Variants in BEAN1 observed in about 807,000 individuals in gnomAD.
BEAN1 encodes the protein protein BEAN1.
In BEAN1, 17 loss-of-function variants were observed where a neutral mutation model predicts 17.7. That is an observed-to-expected ratio of 0.96 (90% CI 0.66 to 1.44). BEAN1 has a LOEUF of 1.44. Ranked by LOEUF, BEAN1 falls within the 40% of genes most tolerant of loss-of-function variation. The pLI is 0.00. For synonymous variants in BEAN1, 142 were observed against 151.8 expected (o/e 0.94, Z 0.47); for missense variants, 359 against 374.1 (o/e 0.96, Z 0.33).
chr16:66,469,851 ACGAGCACGGCTACGGTGAGCCG>A lies in BEAN1; in HGVS notation c.277_289+9del. The A allele has an allele frequency of 6.5e-7, 1 of 1,534,680 alleles. No individual in the cohort carries two copies. The highest frequency in any genetic ancestry group is 8.7e-7 in the Non-Finnish European group (1 of 1,146,622). ...CACCGCCGGCGTCGACACCGAGAGT[ACGAGCACGGCTACGGTGAGCCG>A]CCGCCCACCCTGGGGCCCTGGGACC... On this transcript the variant is annotated splice_donor_variant and splice_donor_5th_base_variant and coding_sequence_variant and intron_variant, in exon 3 of 5. Coordinates refer to ENST00000536005, the MANE Select transcript of BEAN1 (RefSeq NM_001178020.3). LOFTEE classifies it high-confidence loss of function.
At chr16:66,486,227 T>C (rs1055753188), downstream of BEAN1, among the ~76,000 whole-genome samples, 3 of 152,024 alleles carry the variant, frequency 2.0e-5, no homozygotes, top group African/African-American at 7.2e-5. Context: ...TGTTTGTTTG[T>C]TTGTTTGTTG....
At chr16:66,492,542 C>T (rs1158839423) in intron 4 of BEAN1, among the ~76,000 whole-genome samples, 2 of 152,110 alleles carry the variant, frequency 1.3e-5, no homozygotes, top group Non-Finnish European at 2.9e-5. Context: ...TGGGTTCGAG[C>T]AATTCTCCTG....
At chr16:66,466,730 T>C (rs1375379745) in intron 2 of BEAN1, among the ~76,000 whole-genome samples, 2 of 152,042 alleles carry the variant, frequency 1.3e-5, no homozygotes, top group Non-Finnish European at 2.9e-5. Flanking sequence ...CACGCCCGGG[T>C]AAATTTTTTT....
At chr16:66,472,129 C>T (rs139002013) in intron 3 of BEAN1, among the ~76,000 whole-genome samples, 180 of 152,372 alleles carry the variant, frequency 1.2e-3, no homozygotes, top group African/African-American at 4.0e-3. Flanking sequence ...GCCTTCCAGG[C>T]CCCGCTCAAA....
intron 2 of BEAN1, among the ~76,000 whole-genome samples, chr16:66,460,535 C>T (rs949109803): frequency 6.6e-6 from 1 of 152,204 alleles, no homozygotes; most frequent in South Asian, 2.1e-4. Context: ...TCCCCAGGCA[C>T]CTGCCTGCTG....
intron 2 of BEAN1, among the ~76,000 whole-genome samples, chr16:66,450,546 T>C (rs955550382): frequency 6.6e-5 from 10 of 152,054 alleles, no homozygotes; most frequent in Non-Finnish European, 1.2e-4. Context: ...CAAGACCCTG[T>C]GTATACAAAC....
intron 2 of BEAN1, 61 bp downstream of exon 2, chr16:66,437,762 C>A: frequency 6.7e-7 from 1 of 1,494,146 alleles, no homozygotes; most frequent in Non-Finnish European, 9.0e-7. Flanking sequence ...AGCTTGGAGT[C>A]GAGCTGCAGA....
At chr16:66,474,696 AAG>A (rs991713469) in intron 3 of BEAN1, among the ~76,000 whole-genome samples, 14 of 150,744 alleles carry the variant, frequency 9.3e-5, no homozygotes, top group East Asian at 7.8e-4. Flanking sequence ...GAGAAGAAAG[AAG>A]AGAGAGAAAA....
intron 3 of BEAN1, among the ~76,000 whole-genome samples, chr16:66,474,622 G>GAGGGAGGGAGGA (rs1567505313): frequency 2.8e-5 from 1 of 35,406 alleles, no homozygotes; most frequent in Non-Finnish European, 6.6e-5. Flanking sequence ...GGGAGGAAGG[G>GAGGGAGGGAGGA]AGGGAGGGAG....
chr16:66,464,687 T>C (rs1963202894), intron 2 of BEAN1, among the ~76,000 whole-genome samples: 2 of 152,348 alleles, frequency 1.3e-5, no homozygotes, highest in African/African-American at 2.4e-5. Context: ...ATTTCATTCT[T>C]AATTTCATTT....
intron 2 of BEAN1, among the ~76,000 whole-genome samples, chr16:66,442,270 C>T (rs1476964219): frequency 3.3e-5 from 5 of 152,176 alleles, no homozygotes; most frequent in African/African-American, 1.2e-4. Flanking sequence ...CCCAGGACTC[C>T]CCCAGGATGC....
downstream of BEAN1, among the ~76,000 whole-genome samples, chr16:66,487,381 C>A (rs1964103742): frequency 6.6e-6 from 1 of 152,162 alleles, no homozygotes; most frequent in African/African-American, 2.4e-5. Flanking sequence ...GACTAGGGGC[C>A]TGGAATTGTG....
intron 4 of BEAN1, among the ~76,000 whole-genome samples, chr16:66,490,274 G>A (rs1265473345): frequency 1.4e-5 from 2 of 143,306 alleles, no homozygotes; most frequent in East Asian, 4.2e-4. Context: ...GCACATGCAT[G>A]TAGTCCCAAC....
At position 66,477,701 on chromosome 16, in the gene BEAN1, CTCCACCAGGG is replaced by C; in HGVS notation, c.433_440+2del. 6.5e-7 allele frequency: 1 copy of C among 1,547,362 alleles called. No homozygotes were observed. On this transcript the variant is annotated splice_donor_variant and coding_sequence_variant, in exon 4 of 5. Coordinates refer to ENST00000536005, the MANE Select transcript of BEAN1 (RefSeq NM_001178020.3). LOFTEE classifies it high-confidence loss of function. ...GTGCTCAGGGAGCTGTACCCAGATT[CTCCACCAGGG>C]TAAGGAGGCCTCATGGGGAAGGGGG...
intron 2 of BEAN1, among the ~76,000 whole-genome samples, chr16:66,445,864 T>C (rs1408842910): frequency 6.6e-6 from 1 of 151,954 alleles, no homozygotes. Context: ...AGGACCCAGT[T>C]GGAAGCAAGT....
At chr16:66,452,598 T>C (rs1962713500) in intron 2 of BEAN1, among the ~76,000 whole-genome samples, 1 of 152,200 alleles carries the variant, frequency 6.6e-6, no homozygotes, top group African/African-American at 2.4e-5. Flanking sequence ...TCATGGGTGT[T>C]TGGCGAAGGG....
At chr16:66,478,422 GAAACCCCATCTCTACTAA>G (rs1963850268) in intron 4 of BEAN1, among the ~76,000 whole-genome samples, 1 of 151,640 alleles carries the variant, frequency 6.6e-6, no homozygotes, top group East Asian at 1.9e-4. Flanking sequence ...CTAACACGGT[GAAACCCCATCTCTACTAA>G]AAATACAAAA....
Position 66,440,162 on chromosome 16 carries a change from C to A in BEAN1, c.25+2461C>A, listed in dbSNP as rs187058056. 1.3e-3 allele frequency among the ~76,000 whole-genome samples: 184 copies of A among 139,668 alleles called. 4 individuals carry two copies. In the East Asian group the frequency reaches 0.018, roughly 14 times the overall value. 91.6% of individuals were successfully genotyped at this position (139,668 alleles called of 152,430 possible). On this transcript the variant is annotated intron_variant, in intron 2 of 4. Coordinates refer to ENST00000536005, the MANE Select transcript of BEAN1 (RefSeq NM_001178020.3). ...TTTTTTTTTTTGAGATGGAGTTTCA[C>A]GCTGCCACCCAGGCTGGAGTGCAGT... is the stretch of plus-strand genomic sequence containing the variant.
intron 4 of BEAN1, among the ~76,000 whole-genome samples, chr16:66,489,426 A>G (rs1282678933): frequency 6.6e-6 from 1 of 152,164 alleles, no homozygotes; most frequent in Non-Finnish European, 1.5e-5. Flanking sequence ...ATTCTCTCAC[A>G]TGAATCTGCC....
Sources: gnomAD v4.1 joint callset for allele counts (sites outside exome capture counted in the v4.1 genomes callset) on GRCh38, gnomAD v4.1.1 for gene constraint, MANE v1.5 for transcripts, NCBI Gene and HGNC (gene_info 2026-07-23, HGNC 2026-07-21) for gene names.